LRRFIP1: variants seen among roughly 807,000 people sequenced by gnomAD.
LRRFIP1 encodes LRR binding FLII interacting protein 1.
In LRRFIP1, 62 loss-of-function variants were observed where a neutral mutation model predicts 104.4. The ratio of observed to expected loss-of-function variants is 0.59; its 90% CI spans 0.48 to 0.73. The LOEUF (loss-of-function observed/expected upper bound fraction) is 0.73. Ranked by LOEUF, LRRFIP1 falls within the 30% of genes least tolerant of loss-of-function variation. The pLI, the probability that LRRFIP1 is intolerant of heterozygous loss-of-function variation, is 0.00. For synonymous variants in LRRFIP1, 300 were observed against 299.0 expected (o/e 1.00, Z -0.03); for missense variants, 796 against 824.5 (o/e 0.97, Z 0.42).
chr2:237,719,338 C>G (rs532378878), intron 4 of LRRFIP1, among the ~76,000 whole-genome samples, 185 bp from the exon 5 acceptor site: 67 of 152,202 alleles, frequency 4.4e-4, no homozygotes, highest in African/African-American at 1.5e-3. Context: ...CCTCCCACCC[C>G]AGAAAAAAAC....
chr2:237,667,982 C>G, intron 1 of LRRFIP1, among the ~76,000 whole-genome samples: 1 of 152,254 alleles, frequency 6.6e-6, no homozygotes, highest in Non-Finnish European at 1.5e-5. Flanking sequence ...TTTACAACCC[C>G]TGGATGCCCT....
rs1259305962 is a variant in LRRFIP1 at position 237,692,206 on chromosome 2, C to T, written c.97-16338C>T. ...GCGCCCGAGTCCCGCTTCCCCGGCG[C>T]CCTTCCACCCCGAGCCCGACTCAGC... On this transcript the variant is annotated intron_variant, in intron 1 of 23. Transcript: ENST00000308482. 8.0e-5 allele frequency: 86 copies of T among 1,070,646 alleles called. No individual in the cohort carries two copies. In the Admixed American group the frequency reaches 8.5e-4, roughly 11 times the overall value. The allele number at this position is 1,070,646 out of a possible 1,614,324, so 66.3% of individuals were successfully genotyped here. A position where few individuals can be genotyped will look rare whatever the true frequency, so the allele number is the denominator to read the frequency against.
At position 237,780,381 on chromosome 2, in the gene LRRFIP1, A is replaced by T. The variant is rs1390800789; in HGVS notation, c.*849A>T. ...TTTAATTTCATATTAATGGTTCTGT[A>T]TATTTTGGGTCATCTTTTTATTTTT... On this transcript the variant is annotated 3_prime_UTR_variant, in exon 24 of 24. Transcript: ENST00000308482. 1 of 152,070 alleles carries T rather than the reference A, an allele frequency of 6.6e-6. No homozygotes were observed. The highest frequency in any genetic ancestry group is 1.5e-5 in the Non-Finnish European group (1 of 67,990). 9.4% of individuals were successfully genotyped at this position (152,070 alleles called of 1,614,324 possible). A position where few individuals can be genotyped will look rare whatever the true frequency, so the allele number is the denominator to read the frequency against.
intron 2 of LRRFIP1, among the ~76,000 whole-genome samples, chr2:237,710,091 G>A (rs1575691393): frequency 6.6e-6 from 1 of 152,070 alleles, no homozygotes; most frequent in East Asian, 1.9e-4. Context: ...GATCTCAAGT[G>A]ATCCTCCCGC....
chr2:237,763,473 C>G (rs373477655), intron 19 of LRRFIP1: 1 of 1,613,172 alleles, frequency 6.2e-7, no homozygotes, highest in African/African-American at 1.3e-5. Context: ...CCCGTAGAAA[C>G]CCTTAAAGAT....
At chr2:237,773,469 C>T (rs1456224223) in intron 22 of LRRFIP1, among the ~76,000 whole-genome samples, 1 of 152,106 alleles carries the variant, frequency 6.6e-6, no homozygotes, top group African/African-American at 2.4e-5. Flanking sequence ...ACCAGGGTGG[C>T]AGAGGTTGCA....
In LRRFIP1 at chr2:237,733,904, C is replaced by T. The variant is rs2095130527; in HGVS notation, c.489+86C>T. 3 of 1,408,490 alleles carry T rather than the reference C, an allele frequency of 2.1e-6. No individual in the cohort carries two copies. In the South Asian group the frequency reaches 3.5e-5, roughly 16 times the overall value. The allele number at this position is 1,408,490 out of a possible 1,614,324, so 87.2% of individuals were successfully genotyped here. A position where few individuals can be genotyped will look rare whatever the true frequency, so the allele number is the denominator to read the frequency against. On this transcript the variant is annotated intron_variant, in intron 9 of 23. Transcript: ENST00000308482. ...ACCAAGCCCAGAGCCGGGGATGTGC[C>T]TGTTCCCAGCCCCCTGGGGGAAGTT...
At chr2:237,654,043 G>A (rs997120087) in intron 1 of LRRFIP1, among the ~76,000 whole-genome samples, 4 of 152,110 alleles carry the variant, frequency 2.6e-5, no homozygotes, top group African/African-American at 9.7e-5. Context: ...GCACAGCAAT[G>A]GAAACAACAG....
intron 1 of LRRFIP1, among the ~76,000 whole-genome samples, chr2:237,700,644 A>G (rs567213536): frequency 6.6e-6 from 1 of 152,292 alleles, no homozygotes; most frequent in Non-Finnish European, 1.5e-5. Context: ...CGTCATTTCC[A>G]TCTGACATCT....
At chr2:237,692,272 G>T (rs2092847717) in intron 1 of LRRFIP1, 3 of 1,167,850 alleles carry the variant, frequency 2.6e-6, no homozygotes, top group Non-Finnish European at 3.2e-6. Context: ...CCGCGCCCGA[G>T]CCCAGCGCCG....
At chr2:237,751,153 A>T in intron 13 of LRRFIP1, 47 bp from the exon 14 acceptor site, 1 of 1,311,404 alleles carries the variant, frequency 7.6e-7, no homozygotes, top group Non-Finnish European at 1.1e-6. Flanking sequence ...TTAGGGAATC[A>T]CCTGTTTTCC....
At chr2:237,670,101 T>A (rs2090101860) in intron 1 of LRRFIP1, among the ~76,000 whole-genome samples, 1 of 152,242 alleles carries the variant, frequency 6.6e-6, no homozygotes. Context: ...CATATTCTCA[T>A]GATGATTTGT....
intron 19 of LRRFIP1, among the ~76,000 whole-genome samples, chr2:237,767,964 C>A (rs1408827220): frequency 6.6e-6 from 1 of 152,126 alleles, no homozygotes; most frequent in Non-Finnish European, 1.5e-5. Flanking sequence ...AGAGGAAAAT[C>A]CTTTTGTTCT....
intron 23 of LRRFIP1, chr2:237,779,216 GAA>G: frequency 4.9e-6 from 2 of 404,276 alleles, no homozygotes; most frequent in Non-Finnish European, 6.6e-6. Flanking sequence ...TCCATCTCAA[GAA>G]AAAAAAAAGA....
intron 1 of LRRFIP1, among the ~76,000 whole-genome samples, chr2:237,674,070 C>T (rs755428740): frequency 2.0e-5 from 3 of 152,166 alleles, no homozygotes; most frequent in Admixed American, 6.5e-5. Context: ...GCTGCCCCCG[C>T]GGGAAGGAAA....
At chr2:237,648,792 G>C (rs1485463276) in intron 1 of LRRFIP1, among the ~76,000 whole-genome samples, 1 of 147,414 alleles carries the variant, frequency 6.8e-6, no homozygotes, top group African/African-American at 2.5e-5. Flanking sequence ...CCCCCTCAAA[G>C]CAGGCAGTGA....
intron 13 of LRRFIP1, 77 bp from the exon 14 acceptor site, chr2:237,751,123 T>C: frequency 1.0e-6 from 1 of 991,290 alleles, no homozygotes; most frequent in Non-Finnish European, 1.5e-6. Context: ...AAATAGAAAC[T>C]ACCCTGAAGT....
At chr2:237,725,514 C>CA (rs140800145) in intron 7 of LRRFIP1, among the ~76,000 whole-genome samples, 1 of 151,986 alleles carries the variant, frequency 6.6e-6, no homozygotes, top group Non-Finnish European at 1.5e-5. Context: ...AAATACAACA[C>CA]AAAAAAACAC....
chr2:237,767,316 G>C (rs1210549637), intron 19 of LRRFIP1, among the ~76,000 whole-genome samples: 8 of 152,230 alleles, frequency 5.3e-5, no homozygotes, highest in Admixed American at 5.2e-4. Context: ...TTGCCTGCCA[G>C]CCATATCCCC....
Sources: allele counts gnomAD v4.1 joint callset (sites outside exome capture counted in the v4.1 genomes callset), GRCh38; gene constraint gnomAD v4.1.1; transcripts MANE v1.5; gene names NCBI Gene and HGNC (gene_info 2026-07-23, HGNC 2026-07-21).